Variants in KCNC2 observed in about 807,000 individuals in gnomAD.
KCNC2 encodes voltage-gated potassium channel KCNC2.
Under a neutral mutation model 44.5 loss-of-function variants are expected in KCNC2, and 21 were observed. The ratio of observed to expected loss-of-function variants is 0.47; its 90% confidence interval spans 0.33 to 0.68. KCNC2 has a LOEUF of 0.68. Ranked by LOEUF, KCNC2 falls within the 30% of genes least tolerant of loss-of-function variation. The probability of loss-of-function intolerance (pLI) is 0.01; values close to 1 mark genes in which losing one functional copy is unlikely to be tolerated. For synonymous variants in KCNC2, 391 were observed against 339.1 expected, an observed-to-expected ratio of 1.15 and a Z score of -1.68; for missense variants, 589 against 826.2, an observed-to-expected ratio of 0.71 and a Z score of 3.52.
intron 2 of KCNC2, among the ~76,000 whole-genome samples, chr12:75,181,916 CTTTTTTTTTTTTTTTTTTTTTTT>C (rs61089425): frequency 2.1e-4 from 10 of 47,878 alleles, no homozygotes; most frequent in East Asian, 2.0e-3. Flanking sequence ...TAATATCTTC[CTTTTTTTTTTTTTTTTTTTTTTT>C]TTTTTTTTTT....
Position 75,050,762 on chromosome 12 carries a change from C to G in KCNC2, c.1243G>C (p.Ala415Pro). Reference protein sequence around the residue: ...RVGAQPNDPSASEHTQFKNIP... With the variant: ...RVGAQPNDPSPSEHTQFKNIP... The stretch of plus-strand genomic sequence containing the variant: ...TTTTTGAACTGTGTGTGCTCACTAG[C>G]TGAAGGGTCGTTAGGTTGAGCTCCC... The change falls in exon 3 of 5, where the codon GCT (alanine) becomes CCT (proline). Residue 415 changes from alanine to proline, a missense_variant. This residue lies in a region of KCNC2 where 67 missense variants were observed against 237.4 expected (regional missense o/e 0.28). Coordinates refer to ENST00000549446, the MANE Select transcript of KCNC2 (RefSeq NM_139137.4). The G allele has an allele frequency of 6.2e-7, 1 of 1,613,426 alleles. No individual in the cohort carries two copies. Among genetic ancestry groups the G allele is most frequent in the East Asian group, 2.2e-5 (1 of 44,818 alleles).
At chr12:75,081,809 A>C (rs969499509) in intron 2 of KCNC2, among the ~76,000 whole-genome samples, 1 of 152,096 alleles carries the variant, frequency 6.6e-6, no homozygotes, top group Non-Finnish European at 1.5e-5. Context: ...TGCTACGTTT[A>C]GAAAACAAGC....
chr12:75,132,185 T>C (rs1396357190), intron 2 of KCNC2, among the ~76,000 whole-genome samples: 1 of 152,138 alleles, frequency 6.6e-6, no homozygotes, highest in Non-Finnish European at 1.5e-5. Flanking sequence ...ATCAGTGAGA[T>C]ACTGCAGGTA....
chr12:75,045,999 C>A (rs1329586384), intron 4 of KCNC2, among the ~76,000 whole-genome samples: 2 of 151,424 alleles, frequency 1.3e-5, no homozygotes, highest in Non-Finnish European at 3.0e-5. Flanking sequence ...AATCTATAAC[C>A]TACAAAAAGG....
chr12:75,062,221 T>C (rs535195704), intron 2 of KCNC2, among the ~76,000 whole-genome samples: 18 of 152,206 alleles, frequency 1.2e-4, no homozygotes, highest in African/African-American at 4.1e-4. Context: ...CTTCTCTGAA[T>C]GGGCCTTTGT....
At chr12:75,116,623 G>A (rs200764653) in intron 2 of KCNC2, among the ~76,000 whole-genome samples, 2 of 152,082 alleles carry the variant, frequency 1.3e-5, no homozygotes, top group East Asian at 3.8e-4. Context: ...GACAAAACAT[G>A]ATATTGTATC....
At chr12:75,169,703 T>A (rs963500362) in intron 2 of KCNC2, among the ~76,000 whole-genome samples, 1 of 151,620 alleles carries the variant, frequency 6.6e-6, no homozygotes, top group African/African-American at 2.4e-5. Flanking sequence ...TTTCCTTCTC[T>A]TTTTTCTTAG....
intron 2 of KCNC2, among the ~76,000 whole-genome samples, chr12:75,090,777 A>C (rs780531338): frequency 6.8e-6 from 1 of 147,800 alleles, no homozygotes; most frequent in Non-Finnish European, 1.5e-5. Context: ...TATCATCATT[A>C]TCATCATCCT....
chr12:75,153,989 G>A (rs999485415), intron 2 of KCNC2, among the ~76,000 whole-genome samples: 2 of 151,336 alleles, frequency 1.3e-5, no homozygotes, highest in South Asian at 4.2e-4. Context: ...CGTACTTATT[G>A]AAAAAAAACT....
chr12:75,114,782 CT>C (rs1026682321), intron 2 of KCNC2, among the ~76,000 whole-genome samples: 5 of 149,962 alleles, frequency 3.3e-5, no homozygotes, highest in African/African-American at 1.2e-4. Context: ...CTCCTGCCGT[CT>C]TTTAGAATAC....
At chr12:75,180,248 T>C (rs1892487126) in intron 2 of KCNC2, among the ~76,000 whole-genome samples, 1 of 151,904 alleles carries the variant, frequency 6.6e-6, no homozygotes, top group Non-Finnish European at 1.5e-5. Context: ...ATGAGAAGAC[T>C]ACATCTGGTT....
chr12:75,106,954 T>A (rs930228354), intron 2 of KCNC2, among the ~76,000 whole-genome samples: 3 of 152,222 alleles, frequency 2.0e-5, no homozygotes, highest in African/African-American at 7.2e-5. Context: ...CTACTTTCTA[T>A]CAGCAAATTT....
At chr12:75,116,000 C>G (rs1887633140) in intron 2 of KCNC2, among the ~76,000 whole-genome samples, 1 of 152,166 alleles carries the variant, frequency 6.6e-6, no homozygotes, top group Non-Finnish European at 1.5e-5. Context: ...GTGCCTGGAA[C>G]AGTGCCGAAT....
At chr12:75,172,031 T>G (rs1891859313) in intron 2 of KCNC2, among the ~76,000 whole-genome samples, 1 of 151,530 alleles carries the variant, frequency 6.6e-6, no homozygotes, top group African/African-American at 2.4e-5. Flanking sequence ...AAAATAAAAA[T>G]AAATAGCCAT....
Position 75,040,800 on chromosome 12 carries a change from A to G in KCNC2, c.*2305T>C, listed in dbSNP as rs202238101. ...TATACTACATCAGTATCACTGCCTT[A>G]AGTAATTCACAGCACAACCTAATGT... On this transcript the variant is annotated 3_prime_UTR_variant, in exon 5 of 5. Transcript: ENST00000549446. The G allele has an allele frequency of 3.1e-6, 1 of 319,950 alleles. No individual in the cohort carries two copies. The highest frequency in any genetic ancestry group is 5.9e-6 in the Non-Finnish European group (1 of 169,502). 19.8% of individuals were successfully genotyped at this position (319,950 alleles called of 1,614,324 possible).
intron 2 of KCNC2, among the ~76,000 whole-genome samples, chr12:75,131,520 T>C (rs940511745): frequency 6.6e-6 from 1 of 152,158 alleles, no homozygotes; most frequent in African/African-American, 2.4e-5. Flanking sequence ...AATAGGGAGA[T>C]TATCCTGGAT....
intron 2 of KCNC2, among the ~76,000 whole-genome samples, chr12:75,058,438 TTATCTGC>T (rs1881974983): frequency 6.6e-6 from 1 of 152,072 alleles, no homozygotes; most frequent in Non-Finnish European, 1.5e-5. Context: ...TTATTAAGCC[TTATCTGC>T]TATGAGTCCC....
At chr12:75,147,913 A>G (rs1026195002) in intron 2 of KCNC2, among the ~76,000 whole-genome samples, 11 of 152,178 alleles carry the variant, frequency 7.2e-5, no homozygotes, top group African/African-American at 2.7e-4. Context: ...GTAAATATAA[A>G]AAGTATTATA....
At chr12:75,188,967 T>A (rs1371273411) in intron 2 of KCNC2, among the ~76,000 whole-genome samples, 1 of 152,016 alleles carries the variant, frequency 6.6e-6, no homozygotes, top group Non-Finnish European at 1.5e-5. Context: ...CATGGCAAAA[T>A]CCAGAAGGGT....
Sources: gnomAD v4.1 joint callset for allele counts (sites outside exome capture counted in the v4.1 genomes callset) on GRCh38, gnomAD v4.1.1 for gene constraint, gnomAD v4.1.1 regional missense constraint, MANE v1.5 for transcripts, NCBI Gene and HGNC (gene_info 2026-07-23, HGNC 2026-07-21) for gene names.